The following RUBCN variants were observed in gnomAD, a reference collection of about 807,000 sequenced individuals.
RUBCN encodes the protein rubicon autophagy regulator.
A neutral mutation model predicts 113.2 loss-of-function variants in RUBCN; 74 were observed. That is an observed-to-expected ratio of 0.65 (90% CI 0.54 to 0.79). The LOEUF is 0.79. RUBCN is among the 30% of genes least tolerant of loss of function. The pLI, the probability that RUBCN is intolerant of heterozygous loss-of-function variation, is 0.00. For synonymous variants in RUBCN, 480 were observed against 490.0 expected (o/e 0.98, Z 0.27); for missense variants, 1,109 against 1,251.7 (o/e 0.89, Z 1.72).
At chr3:197,706,181 G>T (rs911985303) in intron 2 of RUBCN, among the ~76,000 whole-genome samples, 2 of 152,136 alleles carry the variant, frequency 1.3e-5, no homozygotes, top group African/African-American at 4.8e-5. Flanking sequence ...ACTTTTCCAC[G>T]CCACCCAGGT....
In RUBCN at chr3:197,681,751, G is replaced by A. The variant is rs1414976046; in HGVS notation, c.2191+84C>T. 8.0e-6 allele frequency: 10 copies of A among 1,247,452 alleles called. No individual in the cohort carries two copies. Among genetic ancestry groups the A allele is most frequent in the East Asian group, 4.6e-5 (2 of 43,126 alleles). 77.3% of individuals were successfully genotyped at this position (1,247,452 alleles called of 1,614,324 possible). Reference sequence around the variant, plus strand: ...TTCTGCCACGCCACCTCCTGCTACCGCCTTTGACACGCCACCTCTCCCTAC... The same window carrying A: ...TTCTGCCACGCCACCTCCTGCTACCACCTTTGACACGCCACCTCTCCCTAC... On this transcript the variant is annotated intron_variant, in intron 15 of 19. Transcript: ENST00000296343. This position sits in a 1 kb window ranked among gnomAD's most constrained non-coding sequence, Gnocchi z 5.5.
At position 197,701,850 on chromosome 3, in the gene RUBCN, G is replaced by A. The variant is rs774300203; in HGVS notation, c.585C>T (p.His195=). The A allele has an allele frequency of 6.1e-5, 99 of 1,613,966 alleles. No individual in the cohort carries two copies. The highest frequency in any genetic ancestry group is 4.9e-4 in the Middle Eastern group (3 of 6,080). ...TCTTTGTCACCAGGAGCGGGCTCTC[G>A]TGCTTTCTGGCAAACTAAAAAGCAA... ...QIDASMFARK[H]ESPLLVTKSQ... The change falls in exon 6 of 20, where the codon CAC becomes CAT. Residue 195 remains histidine, a synonymous_variant. Transcript: ENST00000296343.
intron 2 of RUBCN, among the ~76,000 whole-genome samples, chr3:197,712,738 G>C (rs1055444579): frequency 6.6e-6 from 1 of 151,682 alleles, no homozygotes; most frequent in Non-Finnish European, 1.5e-5. Context: ...ATGTAAAAAA[G>C]GAGAGAGAAA....
At chr3:197,690,579 T>G (rs1319292247) in intron 11 of RUBCN, among the ~76,000 whole-genome samples, 1 of 152,228 alleles carries the variant, frequency 6.6e-6, no homozygotes, top group Non-Finnish European at 1.5e-5. Context: ...AACAAACATC[T>G]ACAGCAGTAA....
chr3:197,700,147 A>G (rs1006027354), intron 7 of RUBCN, among the ~76,000 whole-genome samples: 14 of 152,174 alleles, frequency 9.2e-5, no homozygotes, highest in African/African-American at 3.4e-4. Context: ...CAGTTGCTGG[A>G]TCGCATCACC....
At position 197,713,290 on chromosome 3, in the gene RUBCN, TG is replaced by T. The variant is rs1476646959; in HGVS notation, c.219+4686del. Among the ~76,000 whole-genome samples the T allele has an allele frequency of 2.0e-5, 3 of 152,252 alleles. 1 individual carries two copies. Among genetic ancestry groups the T allele is most frequent in the Middle Eastern group, 6.3e-3 (2 of 316 alleles). ...TCAGGCACAGATAGTGAAACTGTCTTGTAATATGGTTAAGTGATTACTCTAG... is the reference window on the plus strand; with the variant it reads ...TCAGGCACAGATAGTGAAACTGTCTTTAATATGGTTAAGTGATTACTCTAG... On this transcript the variant is annotated intron_variant, in intron 2 of 19. Transcript: ENST00000296343.
Position 197,675,259 on chromosome 3 carries a change from C to T in RUBCN, c.2741-63G>A. 6.3e-7 allele frequency: 1 copy of T among 1,594,958 alleles called. No individual in the cohort carries two copies. The highest frequency in any genetic ancestry group is 1.3e-5 in the African/African-American group (1 of 74,652). On this transcript the variant is annotated intron_variant, in intron 19 of 19. Transcript: ENST00000296343. The surrounding 1 kb of genome is among the most constrained non-coding windows in gnomAD (Gnocchi z 4.4). ...ATTTGTATTATCTCCAGCTAGAGGT[C>T]AGTTGCTGCCACAGCCCCTTCTCGC...
upstream of RUBCN, among the ~76,000 whole-genome samples, chr3:197,739,028 G>T (rs1430191567): frequency 6.6e-6 from 1 of 151,364 alleles, no homozygotes; most frequent in Non-Finnish European, 1.5e-5. Flanking sequence ...GTGCAATGGC[G>T]CGATCGGGTT....
chr3:197,687,132 T>C (rs1721938040), intron 11 of RUBCN, among the ~76,000 whole-genome samples: 1 of 152,254 alleles, frequency 6.6e-6, no homozygotes, highest in South Asian at 2.1e-4. Context: ...GATGCCGGTT[T>C]CCATCCTGCT....
intron 9 of RUBCN, among the ~76,000 whole-genome samples, chr3:197,695,435 AC>A (rs1437759967): frequency 3.3e-5 from 5 of 152,126 alleles, no homozygotes; most frequent in South Asian, 2.1e-4. Flanking sequence ...CCCCATCTCT[AC>A]AAAAAAATAA....
chr3:197,737,123 T>A (rs1230252257), upstream of RUBCN: 1 of 253,364 alleles, frequency 3.9e-6, no homozygotes, highest in Non-Finnish European at 7.2e-6. Flanking sequence ...ACCCGGTGGT[T>A]GGCTGGGCCG....
chr3:197,700,451 G>A (rs1723514801), intron 7 of RUBCN, 162 bp downstream of exon 7: 1 of 653,098 alleles, frequency 1.5e-6, no homozygotes, highest in Non-Finnish European at 2.7e-6. Context: ...GAGATTTTGA[G>A]TCTCAGTATT....
chr3:197,695,693 G>A (rs1481226583), intron 9 of RUBCN, among the ~76,000 whole-genome samples, 173 bp downstream of exon 9: 1 of 152,206 alleles, frequency 6.6e-6, no homozygotes, highest in African/African-American at 2.4e-5. Flanking sequence ...TCAGTGAGGG[G>A]CACATGCTCC....
At chr3:197,736,944 A>C (rs189627174), upstream of RUBCN, 16,763 of 1,327,858 alleles carry the variant, frequency 0.013, 136 homozygotes, top group Non-Finnish European at 0.014. Context: ...CCCGGCGAGC[A>C]CTCCGAGGCT....
At chr3:197,700,203 C>A (rs539072782) in intron 7 of RUBCN, among the ~76,000 whole-genome samples, 91 of 152,338 alleles carry the variant, frequency 6.0e-4, no homozygotes, top group Non-Finnish European at 1.2e-3. Flanking sequence ...CCCAGTATCT[C>A]TCTGCCTCTC....
intron 1 of RUBCN, among the ~76,000 whole-genome samples, chr3:197,743,844 C>G (rs971849371): frequency 2.0e-5 from 3 of 151,876 alleles, no homozygotes; most frequent in Non-Finnish European, 4.4e-5. Flanking sequence ...ATTAGCCGGG[C>G]GTGGTGGCGA....
chr3:197,728,931 T>C (rs904472891), intron 1 of RUBCN, among the ~76,000 whole-genome samples: 33 of 152,094 alleles, frequency 2.2e-4, no homozygotes, highest in Non-Finnish European at 4.3e-4. Context: ...TGGGTGAGTG[T>C]GCCATGGTTT....
At chr3:197,730,694 GGT>G (rs1418424054) in intron 1 of RUBCN, among the ~76,000 whole-genome samples, 1 of 151,444 alleles carries the variant, frequency 6.6e-6, no homozygotes, top group Non-Finnish European at 1.5e-5. Flanking sequence ...AGAAACAGGT[GGT>G]GAGGATGTGG....
At position 197,674,735 on chromosome 3, in the gene RUBCN, T is replaced by G; in HGVS notation, c.*283A>C. 1 of 483,976 alleles carries G rather than the reference T, an allele frequency of 2.1e-6. No individual in the cohort carries two copies. Among genetic ancestry groups the G allele is most frequent in the Non-Finnish European group, 3.7e-6 (1 of 271,236 alleles). 30.0% of individuals were successfully genotyped at this position (483,976 alleles called of 1,614,324 possible). A position where few individuals can be genotyped will look rare whatever the true frequency, so the allele number is the denominator to read the frequency against. ...AACTTGGTCTTGCTGTCTCTTCCAC[T>G]GACAGAGGCACTAGAAGCTTCACTG... On this transcript the variant is annotated 3_prime_UTR_variant, in exon 20 of 20. Coordinates refer to ENST00000296343, the MANE Select transcript of RUBCN (RefSeq NM_014687.4).
Sources: gnomAD v4.1 joint callset for allele counts (sites outside exome capture counted in the v4.1 genomes callset) on GRCh38, gnomAD v4.1.1 for gene constraint, Gnocchi (gnomAD v3.1) non-coding constraint, MANE v1.5 for transcripts, NCBI Gene and HGNC (gene_info 2026-07-23, HGNC 2026-07-21) for gene names.